TMPRSS9: variants seen among roughly 807,000 people sequenced by gnomAD.
TMPRSS9 encodes the protein transmembrane serine protease 9, also known as transmembrane protease serine 9.
In TMPRSS9, 113 loss-of-function variants were observed where a neutral mutation model predicts 111.4. The ratio of observed to expected loss-of-function variants is 1.01; its 90% CI spans 0.87 to 1.19. The LOEUF (loss-of-function observed/expected upper bound fraction) is 1.19, where lower values mean the gene tolerates loss of function less well. Among genes scored for constraint, TMPRSS9 ranks in the 50% most tolerant of loss-of-function variants. The pLI, the probability that TMPRSS9 is intolerant of heterozygous loss-of-function variation, is 0.00. For missense variants in TMPRSS9, 1,803 were observed against 1,513.1 expected (o/e 1.19, Z -3.18); for synonymous variants, 805 against 659.1 (o/e 1.22, Z -3.39).
chr19:2,415,865 G>T (rs541114534), intron 11 of TMPRSS9, 24 bp downstream of exon 12: 1 of 1,547,430 alleles, frequency 6.5e-7, no homozygotes, highest in African/African-American at 1.4e-5. Context: ...CCTCCAGGAA[G>T]GCTGCCCGGC....
At chr19:2,384,124 G>C (rs1446503343) in intron 1 of TMPRSS9, among the ~76,000 whole-genome samples, 1 of 152,158 alleles carries the variant, frequency 6.6e-6, no homozygotes. Context: ...AAACAGAATG[G>C]CATTGTTCCC....
At position 2,424,140 on chromosome 19, in the gene TMPRSS9, C is replaced by T. The variant is rs764762215; in HGVS notation, c.2600C>T (p.Ala867Val). 6 of 1,422,294 alleles carry T rather than the reference C, an allele frequency of 4.2e-6. No homozygotes were observed. The East Asian group carries it at 8.6e-5, about 20-fold the overall frequency. 88.1% of individuals were successfully genotyped at this position (1,422,294 alleles called of 1,614,324 possible). A position where few individuals can be genotyped will look rare whatever the true frequency, so the allele number is the denominator to read the frequency against. ...ACCAGGATTGTGGGCGGCAGCGCAG[C>T]GGGCCGTGGGGAGTGGCCGTGGCAG... Residue 867 changes from alanine (A) to valine (V), a missense_variant, in exon 15 of 18, where the codon GCG (alanine) becomes GTG (valine). Physicochemically the swap from Ala to Val is moderately conservative, Grantham distance 64. Coordinates refer to ENST00000648592, the Ensembl canonical transcript of TMPRSS9.
Position 2,424,190 on chromosome 19 carries a change from G to T in TMPRSS9, c.2650G>T (p.Glu884Ter). Residue 884 changes from glutamate to a stop codon, truncating the protein, a stop_gained, in exon 15 of 18, where the codon GAA becomes TAA. Coordinates refer to ENST00000648592, the Ensembl canonical transcript of TMPRSS9. LOFTEE classifies it high-confidence loss of function. ...GGTGAGCCTGTGGCTGCGGCGCCGG[G>T]AACACCGTTGCGGGGCCGTGCTGGT... The T allele has an allele frequency of 1.4e-6, 2 of 1,463,796 alleles. No homozygotes were observed. The highest frequency in any genetic ancestry group is 1.8e-6 in the Non-Finnish European group (2 of 1,103,456). The allele number at this position is 1,463,796 out of a possible 1,614,324, so 90.7% of individuals were successfully genotyped here.
chr19:2,390,780 G>A (rs903613417), intron 1 of TMPRSS9, among the ~76,000 whole-genome samples: 12 of 151,916 alleles, frequency 7.9e-5, no homozygotes, highest in Middle Eastern at 3.4e-3. Flanking sequence ...TTGAACCTGG[G>A]AGGCAGAGGT....
chr19:2,363,541 G>A (rs1970220613), intron 1 of TMPRSS9, among the ~76,000 whole-genome samples: 1 of 151,880 alleles, frequency 6.6e-6, no homozygotes. Context: ...GAGTGTGGGA[G>A]GGAGTGAGGT....
intron 1 of TMPRSS9, among the ~76,000 whole-genome samples, chr19:2,360,691 G>A (rs985169556): frequency 6.1e-5 from 9 of 147,002 alleles, no homozygotes; most frequent in Non-Finnish European, 3.0e-5. Flanking sequence ...TTGTGTGGAC[G>A]CAGGTGTGGT....
intron 1 of TMPRSS9, among the ~76,000 whole-genome samples, chr19:2,366,999 T>C (rs1259593158): frequency 6.6e-6 from 1 of 152,008 alleles, no homozygotes; most frequent in Admixed American, 6.6e-5. Flanking sequence ...GGAATCACCA[T>C]AGTGCTGCTC....
At chr19:2,384,974 T>C (rs965189856), upstream of TMPRSS9, among the ~76,000 whole-genome samples, 18 of 113,986 alleles carry the variant, frequency 1.6e-4, no homozygotes, top group African/African-American at 2.8e-4. Flanking sequence ...AGAGCCAAAC[T>C]CCATCTCAAA....
At chr19:2,400,699 TGTG>T (rs1338022802) in intron 4 of TMPRSS9, among the ~76,000 whole-genome samples, 1 of 151,880 alleles carries the variant, frequency 6.6e-6, no homozygotes, top group Non-Finnish European at 1.5e-5. Flanking sequence ...TGTTGCCAGG[TGTG>T]GTGGCTCATG....
upstream of TMPRSS9, among the ~76,000 whole-genome samples, chr19:2,387,414 G>A (rs1320545497): frequency 3.3e-5 from 5 of 152,102 alleles, no homozygotes. Flanking sequence ...AGAATCGCTT[G>A]AACCTGGGAG....
At chr19:2,418,363 C>T (rs1399746900) in intron 13 of TMPRSS9, among the ~76,000 whole-genome samples, 1 of 65,046 alleles carries the variant, frequency 1.5e-5, no homozygotes, top group African/African-American at 7.7e-5. Flanking sequence ...CCCTCCCTCC[C>T]TTCCCTTCCC....
chr19:2,416,408 G>C, intron 11 of TMPRSS9, 130 bp from the exon 13 acceptor site: 1 of 1,244,202 alleles, frequency 8.0e-7, no homozygotes, highest in African/African-American at 1.5e-5. Context: ...TGGAGCCGAA[G>C]GTCAGAGGAT....
At chr19:2,376,199 T>A (rs1970332662) in intron 1 of TMPRSS9, among the ~76,000 whole-genome samples, 1 of 151,992 alleles carries the variant, frequency 6.6e-6, no homozygotes, top group African/African-American at 2.4e-5. Context: ...GGCCCCTTCC[T>A]CTCCCTTCAC....
chr19:2,390,967 G>A (rs1330863870), intron 1 of TMPRSS9, among the ~76,000 whole-genome samples: 1 of 148,654 alleles, frequency 6.7e-6, no homozygotes, highest in South Asian at 2.1e-4. Context: ...AGGAGTTCGA[G>A]ACCACCCTGA....
chr19:2,385,513 C>A (rs1970460565), upstream of TMPRSS9, among the ~76,000 whole-genome samples: 1 of 152,042 alleles, frequency 6.6e-6, no homozygotes, highest in African/African-American at 2.4e-5. Flanking sequence ...CATTTCAAAG[C>A]CTTAGTGATG....
intron 1 of TMPRSS9, among the ~76,000 whole-genome samples, chr19:2,361,447 CTCACCCTCGGAGCCGCTTCTGAG>C (rs1970197895): frequency 6.6e-6 from 1 of 151,796 alleles, no homozygotes; most frequent in Non-Finnish European, 1.5e-5. Flanking sequence ...CGCCCCAGTT[CTCACCCTCGGAGCCGCTTCTGAG>C]TAAACACACA....
At chr19:2,374,232 G>T (rs1023286762) in intron 1 of TMPRSS9, among the ~76,000 whole-genome samples, 4 of 117,522 alleles carry the variant, frequency 3.4e-5, no homozygotes, top group Non-Finnish European at 5.3e-5. Context: ...ATTTCATGCT[G>T]ATTTCTCTCA....
chr19:2,403,998 A>G (rs1248094336), intron 6 of TMPRSS9, among the ~76,000 whole-genome samples: 2 of 150,134 alleles, frequency 1.3e-5, no homozygotes, highest in African/African-American at 2.5e-5. Flanking sequence ...TCTCAAAAAA[A>G]AAAAAAAAAA....
intron 1 of TMPRSS9, among the ~76,000 whole-genome samples, chr19:2,370,473 AGGCTACACCATGCCT>A (rs914222745): frequency 1.3e-5 from 2 of 150,174 alleles, no homozygotes; most frequent in African/African-American, 2.4e-5. Context: ...CCCAGGTTGC[AGGCTACACCATGCCT>A]GGCTCATTAT....
Sources: gnomAD v4.1 joint callset for allele counts (sites outside exome capture counted in the v4.1 genomes callset) on GRCh38, gnomAD v4.1.1 for gene constraint, MANE v1.5 for transcripts, NCBI Gene and HGNC (gene_info 2026-07-23, HGNC 2026-07-21) for gene names.